The following DTNB variants were observed in gnomAD, a reference collection of about 807,000 sequenced individuals.
DTNB encodes the protein DTN-B.
In DTNB, 63 loss-of-function variants were observed where a neutral mutation model predicts 90.7. The ratio of observed to expected loss-of-function variants is 0.69; its 90% CI spans 0.57 to 0.86. DTNB has a LOEUF of 0.86. DTNB is among the 40% of genes least tolerant of loss of function. The pLI is 0.00. For missense variants in DTNB, 744 were observed against 807.1 expected (o/e 0.92, Z 0.95); for synonymous variants, 277 against 286.7 (o/e 0.97, Z 0.34).
intron 9 of DTNB, among the ~76,000 whole-genome samples, chr2:25,523,533 C>T (rs1439398859): frequency 2.0e-5 from 3 of 150,698 alleles, no homozygotes; most frequent in African/African-American, 7.3e-5. Context: ...CCTAGCTACT[C>T]AGGAGGCTGA....
intron 8 of DTNB, among the ~76,000 whole-genome samples, chr2:25,550,114 G>T (rs543861531): frequency 6.6e-6 from 1 of 152,106 alleles, no homozygotes; most frequent in Admixed American, 6.5e-5. Context: ...ATTGTTGGCC[G>T]GGCGCGGTGG....
chr2:25,631,099 G>T (rs2075634661), intron 3 of DTNB, among the ~76,000 whole-genome samples: 1 of 152,086 alleles, frequency 6.6e-6, no homozygotes, highest in African/African-American at 2.4e-5. Flanking sequence ...TGTTTCTGGG[G>T]TGATGAAGAT....
chr2:25,394,214 C>T (rs1033659195), intron 16 of DTNB, among the ~76,000 whole-genome samples: 2 of 152,120 alleles, frequency 1.3e-5, no homozygotes, highest in East Asian at 1.9e-4. Flanking sequence ...AAACTGGATC[C>T]TCATCTCTCA....
intron 9 of DTNB, chr2:25,497,431 G>C (rs1463338585): frequency 6.6e-6 from 1 of 152,186 alleles, no homozygotes; most frequent in African/African-American, 2.4e-5. Flanking sequence ...GCCAACTCTT[G>C]ATAAGAAAGT....
intron 9 of DTNB, among the ~76,000 whole-genome samples, chr2:25,502,439 T>C (rs2150574806): frequency 6.6e-6 from 1 of 152,104 alleles, no homozygotes; most frequent in Middle Eastern, 3.4e-3. Context: ...AAATAAAAGA[T>C]GTCCAGACTG....
intron 4 of DTNB, among the ~76,000 whole-genome samples, chr2:25,607,656 G>A (rs1373096562): frequency 1.3e-5 from 2 of 152,114 alleles, no homozygotes; most frequent in Non-Finnish European, 2.9e-5. Context: ...TAGTTCTTAA[G>A]TATTCAAAAC....
intron 8 of DTNB, among the ~76,000 whole-genome samples, chr2:25,555,291 CAA>C (rs1194525010): frequency 9.3e-5 from 5 of 53,976 alleles, no homozygotes; most frequent in Non-Finnish European, 1.6e-4. Flanking sequence ...ACTCCGTCTC[CAA>C]AAAAAAAAAA....
chr2:25,588,595 C>T (rs7604431), intron 6 of DTNB, among the ~76,000 whole-genome samples: 5,176 of 152,102 alleles, frequency 0.034, 293 homozygotes, highest in African/African-American at 0.11. Context: ...GATCTCTTGA[C>T]TCCATAATCC....
chr2:25,613,831 A>G (rs904020537), intron 4 of DTNB, among the ~76,000 whole-genome samples: 9 of 152,176 alleles, frequency 5.9e-5, no homozygotes, highest in Admixed American at 2.0e-4. Context: ...GGTGGCGCTC[A>G]CCAGTAATCC....
At position 25,393,639 on chromosome 2, in the gene DTNB, C is replaced by CA. The variant is rs974857413; in HGVS notation, c.1576-5279dup. Among the ~76,000 whole-genome samples the CA allele has an allele frequency of 4.6e-5, 7 of 151,750 alleles. No individual in the cohort carries two copies. The South Asian group carries it at 1.5e-3, about 32-fold the overall frequency. Reference sequence around the variant, plus strand: ...AACTCAACCCCTTTCAGAATACCTGCAAAAAATAAAATAAAATAAAATAAA... The same window carrying CA: ...AACTCAACCCCTTTCAGAATACCTGCAAAAAAATAAAATAAAATAAAATAAA... On this transcript the variant is annotated intron_variant, in intron 16 of 20. Transcript: ENST00000406818.
Position 25,387,265 on chromosome 2 carries a change from C to A in DTNB, c.1825+24G>T. On this transcript the variant is annotated intron_variant, in intron 18 of 20. Coordinates refer to ENST00000406818, the MANE Select transcript of DTNB (RefSeq NM_021907.5). This position sits in a 1 kb window ranked among gnomAD's most constrained non-coding sequence, Gnocchi z 4.5. ...GGGCAAGGCAGGGGAGGCCAGGAAG[C>A]TGGCTGGGAGCTCTGGGTTTCACCT... 1 of 1,600,410 alleles carries A rather than the reference C, an allele frequency of 6.2e-7. No homozygotes were observed. Among genetic ancestry groups the A allele is most frequent in the Non-Finnish European group, 8.5e-7 (1 of 1,171,078 alleles).
chr2:25,482,558 T>C (rs2150385484), intron 10 of DTNB, among the ~76,000 whole-genome samples: 1 of 152,008 alleles, frequency 6.6e-6, no homozygotes, highest in African/African-American at 2.4e-5. Context: ...ACAAATGAAG[T>C]TTCCACCTGA....
intron 14 of DTNB, among the ~76,000 whole-genome samples, chr2:25,429,366 A>G (rs180821972): frequency 1.3e-5 from 2 of 152,156 alleles, no homozygotes; most frequent in East Asian, 1.9e-4. Flanking sequence ...TCCCATCTAC[A>G]TTCCTGTCCT....
intron 1 of DTNB, among the ~76,000 whole-genome samples, chr2:25,657,427 A>G (rs1267022521): frequency 2.0e-5 from 3 of 152,234 alleles, no homozygotes; most frequent in Non-Finnish European, 2.9e-5. Flanking sequence ...TACAAATTAT[A>G]TAAAGAACAC....
chr2:25,648,723 T>G (rs923852064), intron 2 of DTNB, among the ~76,000 whole-genome samples: 13 of 152,162 alleles, frequency 8.5e-5, no homozygotes, highest in Non-Finnish European at 1.3e-4. Context: ...AAAAGATGGC[T>G]GGCCCCAGCA....
chr2:25,561,394 C>A (rs1460018363), intron 8 of DTNB, among the ~76,000 whole-genome samples: 1 of 152,218 alleles, frequency 6.6e-6, no homozygotes. Context: ...CAACTACCAA[C>A]CTCAAGTTAG....
intron 4 of DTNB, among the ~76,000 whole-genome samples, chr2:25,619,188 A>T (rs2148635009): frequency 6.6e-6 from 1 of 152,264 alleles, no homozygotes; most frequent in Middle Eastern, 3.4e-3. Flanking sequence ...TACTTAACAC[A>T]AGCTGTTTCT....
At chr2:25,662,231 G>A (rs544292702) in intron 1 of DTNB, among the ~76,000 whole-genome samples, 1 of 151,530 alleles carries the variant, frequency 6.6e-6, no homozygotes, top group South Asian at 2.1e-4. Context: ...TATGTCCTGA[G>A]GAGACACATA....
chr2:25,495,894 G>A (rs936906942), intron 9 of DTNB, among the ~76,000 whole-genome samples: 2 of 152,118 alleles, frequency 1.3e-5, no homozygotes, highest in Non-Finnish European at 2.9e-5. Flanking sequence ...TAACCAATTG[G>A]TTAATATAAA....
Sources: gnomAD v4.1 joint callset for allele counts (sites outside exome capture counted in the v4.1 genomes callset) on GRCh38, gnomAD v4.1.1 for gene constraint, Gnocchi (gnomAD v3.1) non-coding constraint, MANE v1.5 for transcripts, NCBI Gene and HGNC (gene_info 2026-07-23, HGNC 2026-07-21) for gene names.